Variants in RBFOX1 observed in about 807,000 individuals in gnomAD.
The protein encoded by RBFOX1 is RNA binding protein fox-1 homolog 1.
RBFOX1 carries 8 observed loss-of-function variants against 57.7 expected under a neutral mutation model. That is an observed-to-expected ratio of 0.14 (90% CI 0.08 to 0.25). RBFOX1 has a LOEUF of 0.25. RBFOX1 is among the 10% of genes least tolerant of loss of function. The pLI, the probability that RBFOX1 is intolerant of heterozygous loss-of-function variation, is 1.00. For synonymous variants in RBFOX1, 326 were observed against 222.4 expected (o/e 1.47, Z -4.15); for missense variants, 611 against 548.5 (o/e 1.11, Z -1.14).
intron 4 of RBFOX1, among the ~76,000 whole-genome samples, chr16:7,216,957 C>T (rs963225329): frequency 6.7e-6 from 1 of 149,254 alleles, no homozygotes; most frequent in African/African-American, 2.5e-5. Flanking sequence ...ACCCAGGGCA[C>T]ATTGGTAAGG....
chr16:7,310,616 G>T (rs2096285672), intron 4 of RBFOX1, among the ~76,000 whole-genome samples: 1 of 152,142 alleles, frequency 6.6e-6, no homozygotes, highest in Non-Finnish European at 1.5e-5. Context: ...CCTAAGTCCT[G>T]CCAATCTACC....
chr16:7,270,566 C>G (rs1357644292), intron 4 of RBFOX1, among the ~76,000 whole-genome samples: 5 of 152,200 alleles, frequency 3.3e-5, no homozygotes, highest in Non-Finnish European at 7.3e-5. Context: ...TGCTGGCCCA[C>G]AGACTAGAAT....
intron 4 of RBFOX1, among the ~76,000 whole-genome samples, chr16:7,321,690 A>G (rs2096547493): frequency 6.6e-6 from 1 of 152,222 alleles, no homozygotes; most frequent in Non-Finnish European, 1.5e-5. Context: ...TTTGGCAAAT[A>G]ATAAATGGCA....
intron 2 of RBFOX1, among the ~76,000 whole-genome samples, chr16:5,495,759 G>T (rs867926114): frequency 1.3e-5 from 2 of 152,204 alleles, no homozygotes; most frequent in South Asian, 2.1e-4. Flanking sequence ...TAATATGGGT[G>T]GCAGCACAAT....
At chr16:5,346,630 G>A (rs1352299738) in intron 1 of RBFOX1, among the ~76,000 whole-genome samples, 1 of 152,154 alleles carries the variant, frequency 6.6e-6, no homozygotes, top group East Asian at 1.9e-4. Flanking sequence ...TCCCCTCCTG[G>A]GAATTTTCAG....
chr16:5,604,538 C>G (rs1384681909), downstream of RBFOX1, among the ~76,000 whole-genome samples: 3 of 152,302 alleles, frequency 2.0e-5, no homozygotes, highest in Admixed American at 2.0e-4. Context: ...GAGTGTCTCT[C>G]TAGTGCATGT....
At chr16:7,469,772 C>A (rs59331587) in intron 4 of RBFOX1, among the ~76,000 whole-genome samples, 7 of 152,240 alleles carry the variant, frequency 4.6e-5, no homozygotes, top group Admixed American at 1.3e-4. Flanking sequence ...GCAATTACTA[C>A]CATTGATCTC....
In RBFOX1 at chr16:6,123,284, G is replaced by A. The variant is rs189551418; in HGVS notation, c.-127+103292G>A. ...CATCCATGGATGAATGAATAAATAA[G>A]ATGTGGTACATATATACAGTGGAAA... is the stretch of plus-strand genomic sequence containing the variant. On this transcript the variant is annotated intron_variant, in intron 1 of 15. Coordinates refer to ENST00000550418, the MANE Select transcript of RBFOX1 (RefSeq NM_018723.4). 6.6e-5 allele frequency among the ~76,000 whole-genome samples: 10 copies of A among 152,282 alleles called. No individual in the cohort carries two copies. The East Asian group carries it at 1.9e-3, about 29-fold the overall frequency.
intron 4 of RBFOX1, among the ~76,000 whole-genome samples, chr16:7,279,352 G>C (rs1406715917): frequency 6.6e-6 from 1 of 152,152 alleles, no homozygotes; most frequent in Admixed American, 6.5e-5. Flanking sequence ...GATATTTTCT[G>C]CTTTTCACCA....
intron 15 of RBFOX1, chr16:7,709,619 T>C (rs1434011856): frequency 2.6e-6 from 4 of 1,531,632 alleles, no homozygotes; most frequent in Non-Finnish European, 3.5e-6. Flanking sequence ...TTTAAAGTCA[T>C]AGTCGCCCAG....
At chr16:7,201,848 G>C (rs2088600482) in intron 4 of RBFOX1, among the ~76,000 whole-genome samples, 1 of 152,190 alleles carries the variant, frequency 6.6e-6, no homozygotes, top group South Asian at 2.1e-4. Flanking sequence ...TTTGGGCAGT[G>C]ACTGTAGACT....
chr16:6,992,098 A>G (rs1337399155), intron 3 of RBFOX1, among the ~76,000 whole-genome samples: 3 of 152,108 alleles, frequency 2.0e-5, no homozygotes, highest in African/African-American at 7.2e-5. Flanking sequence ...TTCCTTAGGG[A>G]GAACGGGTGT....
intron 3 of RBFOX1, among the ~76,000 whole-genome samples, chr16:6,912,865 T>A (rs6500873): frequency 6.6e-6 from 1 of 151,772 alleles, no homozygotes; most frequent in Admixed American, 6.6e-5. Context: ...AGTGATCCTC[T>A]TGCCTTGACC....
At chr16:7,256,548 C>T (rs371517112) in intron 4 of RBFOX1, among the ~76,000 whole-genome samples, 2 of 152,156 alleles carry the variant, frequency 1.3e-5, no homozygotes, top group African/African-American at 4.8e-5. Flanking sequence ...ACCACACATA[C>T]ACTGTATGTC....
chr16:6,132,058 G>T (rs1260326130), intron 1 of RBFOX1, among the ~76,000 whole-genome samples: 1 of 152,164 alleles, frequency 6.6e-6, no homozygotes, highest in Admixed American at 6.5e-5. Context: ...CCAAATAGAA[G>T]CTTAACACGC....
rs1374691420 is a variant in RBFOX1, at chr16:6,624,432, A to G, written c.-63-30171A>G. Among the ~76,000 whole-genome samples the G allele has an allele frequency of 2.0e-5, 3 of 152,238 alleles. No individual in the cohort carries two copies. The East Asian group carries it at 5.8e-4, about 29-fold the overall frequency. On this transcript the variant is annotated intron_variant, in intron 2 of 15. Coordinates refer to ENST00000550418, the MANE Select transcript of RBFOX1 (RefSeq NM_018723.4). ...ATTATATATGTCAGAAGGCTGAGAAATGAGTGGGGATGGTGAATCAACCAC... is the reference window on the plus strand; with the variant it reads ...ATTATATATGTCAGAAGGCTGAGAAGTGAGTGGGGATGGTGAATCAACCAC...
chr16:7,349,110 G>T lies in RBFOX1; in HGVS notation c.28-169037G>T, dbSNP rs548345548. Among the ~76,000 whole-genome samples, 17 of 152,268 alleles carry T rather than the reference G, an allele frequency of 1.1e-4. No individual in the cohort carries two copies. In the South Asian group the frequency reaches 3.3e-3, roughly 30 times the overall value. On this transcript the variant is annotated intron_variant, in intron 4 of 15. Transcript: ENST00000550418. The stretch of plus-strand genomic sequence containing the variant: ...ATTTCATGACCACGATGGAGGTGTG[G>T]TTGCTCCTATGGTTCTCAGAACACA...
intron 2 of RBFOX1, among the ~76,000 whole-genome samples, chr16:6,431,893 C>CTTTCTTTCT (rs200133043): frequency 9.3e-6 from 1 of 107,208 alleles, no homozygotes; most frequent in African/African-American, 4.2e-5. Context: ...TGCTTGCTTG[C>CTTTCTTTCT]TTGCTTTCTT....
chr16:6,447,678 G>T (rs764811280), intron 2 of RBFOX1, among the ~76,000 whole-genome samples: 3 of 152,156 alleles, frequency 2.0e-5, no homozygotes, highest in African/African-American at 7.2e-5. Flanking sequence ...GATAACAAGC[G>T]TTAAAAATTA....
Sources: gnomAD v4.1 joint callset for allele counts (sites outside exome capture counted in the v4.1 genomes callset) on GRCh38, gnomAD v4.1.1 for gene constraint, MANE v1.5 for transcripts, NCBI Gene and HGNC (gene_info 2026-07-23, HGNC 2026-07-21) for gene names.